The following JARID2 variants were observed in gnomAD, a reference collection of about 807,000 sequenced individuals.
The protein encoded by JARID2 is jumonji and AT-rich interaction domain containing 2, also known as protein Jumonji.
Under a neutral mutation model 125.6 loss-of-function variants are expected in JARID2, and 21 were observed. That is an observed-to-expected ratio of 0.17 (90% CI 0.12 to 0.24). The LOEUF (loss-of-function observed/expected upper bound fraction) is 0.24, where lower values mean the gene tolerates loss of function less well. Ranked by LOEUF, JARID2 falls within the 10% of genes least tolerant of loss-of-function variation. The probability of loss-of-function intolerance (pLI) is 1.00; values close to 1 mark genes in which losing one functional copy is unlikely to be tolerated. For synonymous variants in JARID2, 736 were observed against 661.6 expected, an observed-to-expected ratio of 1.11 and a Z score of -1.73; for missense variants, 1,303 against 1,639.6, an observed-to-expected ratio of 0.79 and a Z score of 3.55.
At chr6:15,375,252 G>A (rs778654684) in intron 2 of JARID2, among the ~76,000 whole-genome samples, 7 of 152,204 alleles carry the variant, frequency 4.6e-5, no homozygotes, top group African/African-American at 7.2e-5. Context: ...CAATGGCAGA[G>A]TTTCCTGAGA....
At chr6:15,398,564 A>G (rs1765301622) in intron 2 of JARID2, among the ~76,000 whole-genome samples, 1 of 152,226 alleles carries the variant, frequency 6.6e-6, no homozygotes, top group Admixed American at 6.5e-5. Context: ...GCTATTTACA[A>G]CGGAGAGTTT....
At chr6:15,388,311 T>C (rs1764865082) in intron 2 of JARID2, among the ~76,000 whole-genome samples, 1 of 152,126 alleles carries the variant, frequency 6.6e-6, no homozygotes, top group African/African-American at 2.4e-5. Context: ...TGGTATATCT[T>C]TAAAAGCCAG....
At chr6:15,487,209 T>G (rs1360102855) in intron 5 of JARID2, 98 bp from the exon 6 acceptor site, 178 of 958,012 alleles carry the variant, frequency 1.9e-4, no homozygotes, top group Non-Finnish European at 2.6e-4. Flanking sequence ...CAGTTGGACA[T>G]GAGATTTGGG....
At chr6:15,432,888 G>A (rs1426455000) in intron 3 of JARID2, among the ~76,000 whole-genome samples, 1 of 152,214 alleles carries the variant, frequency 6.6e-6, no homozygotes, top group Non-Finnish European at 1.5e-5. Context: ...ACACCTTATA[G>A]CATTGGCTAT....
At chr6:15,420,334 C>T (rs768138800) in intron 3 of JARID2, among the ~76,000 whole-genome samples, 9 of 150,196 alleles carry the variant, frequency 6.0e-5, no homozygotes, top group Non-Finnish European at 1.0e-4. Flanking sequence ...ACCCAGGAGG[C>T]GGAGGTTGCA....
intron 2 of JARID2, among the ~76,000 whole-genome samples, chr6:15,377,302 G>T (rs1764392404): frequency 6.6e-6 from 1 of 152,140 alleles, no homozygotes; most frequent in African/African-American, 2.4e-5. Flanking sequence ...AAGAGAAAAT[G>T]AGATTTCGTG....
intron 1 of JARID2, among the ~76,000 whole-genome samples, chr6:15,309,815 CAGT>C (rs1353532080): frequency 6.6e-6 from 1 of 151,842 alleles, no homozygotes; most frequent in Non-Finnish European, 1.5e-5. Flanking sequence ...TGGGATTGGC[CAGT>C]AGTGTGTTCC....
Position 15,362,299 on chromosome 6 carries a change from A to G in JARID2, c.46-11818A>G, listed in dbSNP as rs141731056. Reference sequence around the variant, plus strand: ...TCTTTGCAATACAGAACGAACAGCCAGCCTTAGGTCAGTAAGTGAAACAGA... The same window carrying G: ...TCTTTGCAATACAGAACGAACAGCCGGCCTTAGGTCAGTAAGTGAAACAGA... On this transcript the variant is annotated intron_variant, in intron 1 of 17. Transcript: ENST00000341776. Among the ~76,000 whole-genome samples, 411 of 152,368 alleles carry G rather than the reference A, an allele frequency of 2.7e-3. 1 individual carries two copies. Among genetic ancestry groups the G allele is most frequent in the Middle Eastern group, 0.01 (3 of 294 alleles).
intron 1 of JARID2, chr6:15,248,950 C>A: frequency 2.0e-6 from 2 of 985,636 alleles, no homozygotes; most frequent in South Asian, 4.7e-5. Context: ...TCCGGAGCGT[C>A]GCGCTTCCCA....
chr6:15,504,581 G>T lies in JARID2; in HGVS notation c.2530G>T (p.Ala844Ser). The part of the protein sequence containing the change: ...SMCFSKEPAP[A>S]EIEQEYWRLV... The stretch of plus-strand genomic sequence containing the variant: ...GTGTTTCAGCAAGGAGCCTGCCCCA[G>T]CCGAAATCGAGGTGAGAGAAGGGGC... Residue 844 changes from alanine to serine, a missense_variant, in exon 9 of 18, where the codon GCC becomes TCC. Transcript: ENST00000341776. 1 of 1,613,524 alleles carries T rather than the reference G, an allele frequency of 6.2e-7. No individual in the cohort carries two copies. Among genetic ancestry groups the T allele is most frequent in the East Asian group, 2.2e-5 (1 of 44,876 alleles).
chr6:15,299,306 A>G (rs1157665625), intron 1 of JARID2, among the ~76,000 whole-genome samples: 2 of 152,120 alleles, frequency 1.3e-5, no homozygotes, highest in African/African-American at 4.8e-5. Context: ...GTAGCTTGTA[A>G]TCTTCATTGG....
intron 1 of JARID2, among the ~76,000 whole-genome samples, chr6:15,297,408 A>T (rs371340948): frequency 6.6e-6 from 1 of 151,524 alleles, no homozygotes; most frequent in African/African-American, 2.4e-5. Flanking sequence ...TCGGCCTGGG[A>T]TTACAAGCAT....
chr6:15,303,480 T>TGGAA (rs1258769862), intron 1 of JARID2, among the ~76,000 whole-genome samples: 2 of 152,268 alleles, frequency 1.3e-5, no homozygotes, highest in African/African-American at 4.8e-5. Context: ...ACTCCTGGCC[T>TGGAA]TCCCTCTTTG....
chr6:15,454,145 G>A (rs1423486610), intron 4 of JARID2, among the ~76,000 whole-genome samples: 1 of 152,112 alleles, frequency 6.6e-6, no homozygotes, highest in East Asian at 1.9e-4. Context: ...TACTTGCTCT[G>A]TCTTTTCAGT....
Position 15,324,970 on chromosome 6 carries a change from CA to C in JARID2, c.46-49145del, listed in dbSNP as rs568479972. On this transcript the variant is annotated intron_variant, in intron 1 of 17. Transcript: ENST00000341776. Reference sequence around the variant, plus strand: ...AAGGAATAAAGTAATAAGTTGCACTCAAGCCTGCCTAAATCCCTTGCTGGAG... The same window carrying C: ...AAGGAATAAAGTAATAAGTTGCACTCAGCCTGCCTAAATCCCTTGCTGGAG... Among the ~76,000 whole-genome samples the C allele has an allele frequency of 1.4e-4, 21 of 152,172 alleles. No individual in the cohort carries two copies. The South Asian group carries it at 4.2e-3, about 30-fold the overall frequency.
At chr6:15,281,513 C>A (rs962396491) in intron 1 of JARID2, among the ~76,000 whole-genome samples, 4 of 152,204 alleles carry the variant, frequency 2.6e-5, no homozygotes, top group African/African-American at 2.4e-5. Context: ...ATCCTTCTAG[C>A]CTTTCTGTGT....
chr6:15,429,227 G>A (rs1355814502), intron 3 of JARID2, among the ~76,000 whole-genome samples: 2 of 151,802 alleles, frequency 1.3e-5, no homozygotes, highest in Non-Finnish European at 2.9e-5. Context: ...TCTAAGAGTA[G>A]CTAAACCAAC....
At chr6:15,321,791 T>G (rs977729731) in intron 1 of JARID2, among the ~76,000 whole-genome samples, 1 of 134,450 alleles carries the variant, frequency 7.4e-6, no homozygotes, top group Admixed American at 7.5e-5. Context: ...TTGTTTTTTT[T>G]TTTTTTTTTT....
intron 3 of JARID2, among the ~76,000 whole-genome samples, chr6:15,444,065 G>T (rs753778148): frequency 2.0e-5 from 3 of 152,166 alleles, no homozygotes; most frequent in Non-Finnish European, 4.4e-5. Context: ...TAAACAAAGT[G>T]TTCCATCAGT....
Sources: gnomAD v4.1 joint callset for allele counts (sites outside exome capture counted in the v4.1 genomes callset) on GRCh38, gnomAD v4.1.1 for gene constraint, MANE v1.5 for transcripts, NCBI Gene and HGNC (gene_info 2026-07-23, HGNC 2026-07-21) for gene names.